KCNJ15: variants seen among roughly 807,000 people sequenced by gnomAD.
KCNJ15 encodes the protein potassium inwardly rectifying channel subfamily J member 15.
KCNJ15 carries 14 observed loss-of-function variants against 23.0 expected under a neutral mutation model. That is an observed-to-expected ratio of 0.61 (90% CI 0.40 to 0.95). The LOEUF (loss-of-function observed/expected upper bound fraction) is 0.95. Among genes scored for constraint, KCNJ15 ranks in the 40% least tolerant of loss-of-function variants. KCNJ15 has a pLI of 0.00. For synonymous variants in KCNJ15, 185 were observed against 183.2 expected (o/e 1.01, Z -0.08); for missense variants, 388 against 461.8 (o/e 0.84, Z 1.46).
chr21:38,257,461 G>C (rs1027861743), intron 1 of KCNJ15, among the ~76,000 whole-genome samples: 2 of 152,188 alleles, frequency 1.3e-5, no homozygotes, highest in South Asian at 4.1e-4. Flanking sequence ...GTGTACGGGG[G>C]TCTAGCTTGC....
intron 1 of KCNJ15, among the ~76,000 whole-genome samples, chr21:38,293,777 A>C (rs1601245179): frequency 6.6e-6 from 1 of 152,334 alleles, no homozygotes; most frequent in Non-Finnish European, 1.5e-5. Flanking sequence ...GGAGATACAA[A>C]CCGAAGGATT....
In KCNJ15 at chr21:38,280,927, G is replaced by C. The variant is rs115992382; in HGVS notation, c.-116-15999G>C. Among the ~76,000 whole-genome samples, 1,284 of 152,236 alleles carry C rather than the reference G, an allele frequency of 8.4e-3. 24 individuals are homozygous for C. The highest frequency in any genetic ancestry group is 0.03 in the African/African-American group (1,248 of 41,518). ...CTATAACCATCCATGGAAGAAATGA[G>C]AACACAGTCACTCAAACCATTTTCT... On this transcript the variant is annotated intron_variant, in intron 1 of 2. Transcript: ENST00000398938.
At chr21:38,251,776 A>C (rs1979856098), upstream of KCNJ15, among the ~76,000 whole-genome samples, 1 of 152,208 alleles carries the variant, frequency 6.6e-6, no homozygotes, top group African/African-American at 2.4e-5. Flanking sequence ...GTGGGACTTT[A>C]AGTGTTAAAA....
In KCNJ15 at chr21:38,291,025, C is replaced by CACACACACAT. The variant is rs1555885288; in HGVS notation, c.-116-5901_-116-5900insACACACACAT. Among the ~76,000 whole-genome samples the CACACACACAT allele has an allele frequency of 3.0e-3, 452 of 151,036 alleles. 4 individuals carry two copies. The highest frequency in any genetic ancestry group is 6.8e-3 in the Middle Eastern group (2 of 294). The stretch of plus-strand genomic sequence containing the variant: ...ACACACACACACACACACACACACA[C>CACACACACAT]GTATATATAGCTACAGTTAAGCAGG... On this transcript the variant is annotated intron_variant, in intron 1 of 2. Transcript: ENST00000398938.
intron 1 of KCNJ15, among the ~76,000 whole-genome samples, chr21:38,286,738 A>G (rs1243195025): frequency 6.6e-6 from 1 of 152,226 alleles, no homozygotes; most frequent in East Asian, 1.9e-4. Flanking sequence ...TCCCAGGGCT[A>G]TGAAGCCTGG....
chr21:38,292,691 G>A (rs1984730400), intron 1 of KCNJ15, among the ~76,000 whole-genome samples: 1 of 152,112 alleles, frequency 6.6e-6, no homozygotes, highest in African/African-American at 2.4e-5. Context: ...CAACTCAGTT[G>A]GGTGCAGTGG....
At position 38,304,151 on chromosome 21, in the gene KCNJ15, C is replaced by A. The variant is rs545130314; in HGVS notation, c.*3762C>A. 65 of 150,212 alleles carry A rather than the reference C, an allele frequency of 4.3e-4. No homozygotes were observed. Among genetic ancestry groups the A allele is most frequent in the Middle Eastern group, 6.8e-3 (2 of 292 alleles). 9.3% of individuals were successfully genotyped at this position (150,212 alleles called of 1,614,324 possible). ...TTTTAGGGTACATGTGCACAACGTGCAGGTTTGTTACATATGTATACATGT... is the reference window on the plus strand; with the variant it reads ...TTTTAGGGTACATGTGCACAACGTGAAGGTTTGTTACATATGTATACATGT... On this transcript the variant is annotated 3_prime_UTR_variant, in exon 3 of 3. Transcript: ENST00000398938.
intron 1 of KCNJ15, among the ~76,000 whole-genome samples, chr21:38,242,226 C>A (rs889311243): frequency 2.0e-5 from 3 of 152,094 alleles, no homozygotes; most frequent in Admixed American, 2.0e-4. Flanking sequence ...TGATTGTTTA[C>A]CCAAACAGAA....
intron 1 of KCNJ15, among the ~76,000 whole-genome samples, chr21:38,293,349 C>G (rs1455671138): frequency 6.6e-6 from 1 of 152,080 alleles, no homozygotes; most frequent in Non-Finnish European, 1.5e-5. Context: ...ACTCCATTGG[C>G]CAAAGCAGGT....
chr21:38,232,942 G>A (rs1978367602), intron 1 of KCNJ15, among the ~76,000 whole-genome samples: 1 of 151,914 alleles, frequency 6.6e-6, no homozygotes, highest in Non-Finnish European at 1.5e-5. Context: ...TGGGCGGATG[G>A]TCTATAGATG....
chr21:38,255,800 A>G (rs1980169701), upstream of KCNJ15, among the ~76,000 whole-genome samples: 1 of 152,066 alleles, frequency 6.6e-6, no homozygotes, highest in Non-Finnish European at 1.5e-5. Context: ...AGAGCCCAGT[A>G]CTCTGGGGAG....
intron 1 of KCNJ15, among the ~76,000 whole-genome samples, chr21:38,269,843 T>C (rs189480503): frequency 1.8e-3 from 280 of 152,024 alleles, no homozygotes; most frequent in Non-Finnish European, 3.6e-3. Flanking sequence ...CTTAACTGGA[T>C]CTATTGAAAG....
chr21:38,261,207 A>AT (rs1980858267), intron 1 of KCNJ15, among the ~76,000 whole-genome samples: 1 of 152,036 alleles, frequency 6.6e-6, no homozygotes. Context: ...ACTCATGTGC[A>AT]TTTTCTTTAG....
chr21:38,300,532 T>G lies in KCNJ15; in HGVS notation c.*143T>G, dbSNP rs1227979558. On this transcript the variant is annotated 3_prime_UTR_variant, in exon 3 of 3. Coordinates refer to ENST00000398938, the MANE Select transcript of KCNJ15 (RefSeq NM_170736.3). ...GACATACAAAATCAATCTTTTCCTT[T>G]GATCTTGTGGCTAAACCAGCATTTC... The G allele has an allele frequency of 8.8e-6, 6 of 679,802 alleles. No homozygotes were observed. The highest frequency in any genetic ancestry group is 1.5e-5 in the Non-Finnish European group (6 of 407,068). 42.1% of individuals were successfully genotyped at this position (679,802 alleles called of 1,614,324 possible).
intron 1 of KCNJ15, among the ~76,000 whole-genome samples, chr21:38,292,165 T>C (rs1984671067): frequency 6.6e-6 from 1 of 152,216 alleles, no homozygotes; most frequent in African/African-American, 2.4e-5. Context: ...GCTCCATGTA[T>C]TAGCTTTGTG....
intron 1 of KCNJ15, among the ~76,000 whole-genome samples, chr21:38,292,652 C>T (rs1399083407): frequency 2.0e-5 from 3 of 152,108 alleles, no homozygotes; most frequent in Non-Finnish European, 4.4e-5. Flanking sequence ...CATAGACCAA[C>T]ATTCAGAGTT....
intron 1 of KCNJ15, among the ~76,000 whole-genome samples, chr21:38,288,026 C>CTTTTTTTTCT (rs1171718120): frequency 1.3e-5 from 1 of 78,206 alleles, no homozygotes; most frequent in East Asian, 4.0e-4. Context: ...TTGTTTTTTT[C>CTTTTTTTTCT]TTTGTTTTTT....
intron 1 of KCNJ15, among the ~76,000 whole-genome samples, chr21:38,257,627 C>T (rs921104807): frequency 6.6e-6 from 1 of 152,108 alleles, no homozygotes; most frequent in African/African-American, 2.4e-5. Context: ...GAAACCTCGC[C>T]GGAATATTTT....
intron 1 of KCNJ15, among the ~76,000 whole-genome samples, chr21:38,276,181 T>C (rs940020185): frequency 1.3e-5 from 2 of 151,902 alleles, no homozygotes; most frequent in Admixed American, 6.6e-5. Flanking sequence ...ATCTCTTATA[T>C]CAAATGGTAT....
Sources: allele counts gnomAD v4.1 joint callset (sites outside exome capture counted in the v4.1 genomes callset), GRCh38; gene constraint gnomAD v4.1.1; transcripts MANE v1.5; gene names NCBI Gene and HGNC (gene_info 2026-07-23, HGNC 2026-07-21).